The following GALNTL6 variants were observed in gnomAD, a reference collection of about 807,000 sequenced individuals.
GALNTL6 encodes the protein polypeptide N-acetylgalactosaminyltransferase like 6.
GALNTL6 carries 46 observed loss-of-function variants against 73.7 expected under a neutral mutation model. The ratio of observed to expected loss-of-function variants is 0.62; its 90% CI spans 0.49 to 0.80. The LOEUF is 0.80. Ranked by LOEUF, GALNTL6 falls within the 30% of genes least tolerant of loss-of-function variation. The pLI, the probability that GALNTL6 is intolerant of heterozygous loss-of-function variation, is 0.00. For missense variants in GALNTL6, 604 were observed against 755.0 expected (o/e 0.80, Z 2.34); for synonymous variants, 259 against 263.7 (o/e 0.98, Z 0.17).
chr4:172,796,884 A>C (rs1407559811), intron 5 of GALNTL6, among the ~76,000 whole-genome samples: 1 of 152,172 alleles, frequency 6.6e-6, no homozygotes, highest in Non-Finnish European at 1.5e-5. Context: ...CATTTTTCTC[A>C]TAGTAACTGT....
At chr4:172,440,059 A>C (rs1408716260) in intron 5 of GALNTL6, among the ~76,000 whole-genome samples, 1 of 152,088 alleles carries the variant, frequency 6.6e-6, no homozygotes, top group Non-Finnish European at 1.5e-5. Flanking sequence ...AGAGGAGTGC[A>C]AATGGTACAG....
At chr4:171,904,869 C>G (rs571832498) in intron 2 of GALNTL6, among the ~76,000 whole-genome samples, 2,160 of 152,160 alleles carry the variant, frequency 0.014, 46 homozygotes, top group African/African-American at 0.049. Context: ...AATTTTCAAC[C>G]CAGAATTTCA....
intron 5 of GALNTL6, among the ~76,000 whole-genome samples, chr4:172,558,499 AG>A (rs1294652950): frequency 6.6e-6 from 1 of 152,204 alleles, no homozygotes; most frequent in Non-Finnish European, 1.5e-5. Context: ...GTGTGTGCAC[AG>A]AAAAAAGATG....
Position 172,348,637 on chromosome 4 carries a change from C to T in GALNTL6, c.501C>T (p.Thr167=), listed in dbSNP as rs116264453. Reference sequence around the variant, plus strand: ...CCATACACAGTATAATTAACCGAACCCCAGGGAGTCTGATAGCAGAAATCA... The same window carrying T: ...CCATACACAGTATAATTAACCGAACTCCAGGGAGTCTGATAGCAGAAATCA... The part of the protein sequence containing the change: ...LRTIHSIINR[T]PGSLIAEIIL... Residue 167 remains threonine, a synonymous_variant, in exon 5 of 13, where the codon ACC becomes ACT. Transcript: ENST00000506823. 1,067 of 1,611,488 alleles carry T rather than the reference C, an allele frequency of 6.6e-4. 6 individuals are homozygous for T. The African/African-American group carries it at 0.012, about 18-fold the overall frequency.
intron 5 of GALNTL6, among the ~76,000 whole-genome samples, chr4:172,703,635 A>T (rs989038716): frequency 1.6e-4 from 24 of 152,030 alleles, no homozygotes; most frequent in African/African-American, 5.1e-4. Context: ...TTTATCAGGG[A>T]TATTGGAATG....
chr4:172,108,692 A>G (rs958139327), intron 2 of GALNTL6, among the ~76,000 whole-genome samples: 3 of 152,122 alleles, frequency 2.0e-5, no homozygotes, highest in African/African-American at 7.2e-5. Flanking sequence ...CATTACAAGT[A>G]TCAGGGGGAA....
intron 4 of GALNTL6, among the ~76,000 whole-genome samples, chr4:172,343,863 C>G (rs919180217): frequency 7.9e-5 from 12 of 151,758 alleles, no homozygotes; most frequent in Admixed American, 5.3e-4. Flanking sequence ...TAAACTATTT[C>G]TTTTGTCTTC....
chr4:172,289,436 A>G (rs963304995), intron 3 of GALNTL6, among the ~76,000 whole-genome samples: 5 of 152,190 alleles, frequency 3.3e-5, no homozygotes, highest in African/African-American at 1.2e-4. Flanking sequence ...ACTTCATGTT[A>G]TCTGGTAATT....
chr4:171,903,768 T>C (rs1044771765), intron 2 of GALNTL6, among the ~76,000 whole-genome samples: 15 of 152,062 alleles, frequency 9.9e-5, no homozygotes, highest in African/African-American at 3.6e-4. Flanking sequence ...AAGAGAGCAG[T>C]GGTTCTCCCA....
At chr4:172,086,312 G>C (rs11936619) in intron 2 of GALNTL6, among the ~76,000 whole-genome samples, 7,731 of 151,940 alleles carry the variant, frequency 0.051, 615 homozygotes, top group African/African-American at 0.17. Context: ...GGGAAACATC[G>C]TGTCTGAAGC....
chr4:172,847,482 G>A (rs1225704318), intron 7 of GALNTL6, among the ~76,000 whole-genome samples: 1 of 151,924 alleles, frequency 6.6e-6, no homozygotes, highest in Non-Finnish European at 1.5e-5. Context: ...GTATGCTTGT[G>A]TGTATATGTT....
intron 2 of GALNTL6, among the ~76,000 whole-genome samples, chr4:171,927,988 T>C (rs1164338673): frequency 6.6e-6 from 1 of 152,182 alleles, no homozygotes; most frequent in Non-Finnish European, 1.5e-5. Context: ...CACTAGAGCT[T>C]TTAGTTCATG....
At chr4:173,039,242 G>A (rs1690844942) in intron 12 of GALNTL6, among the ~76,000 whole-genome samples, 1 of 152,126 alleles carries the variant, frequency 6.6e-6, no homozygotes, top group Admixed American at 6.5e-5. Flanking sequence ...CGGCAGCACT[G>A]GAACACCTGC....
chr4:172,281,765 C>T (rs1210837394), intron 3 of GALNTL6, among the ~76,000 whole-genome samples: 1 of 152,080 alleles, frequency 6.6e-6, no homozygotes, highest in Non-Finnish European at 1.5e-5. Flanking sequence ...CTGAATAATT[C>T]AGAATAATCT....
At chr4:172,487,295 C>CTTTCTTTCT (rs1733709625) in intron 5 of GALNTL6, among the ~76,000 whole-genome samples, 7 of 81,518 alleles carry the variant, frequency 8.6e-5, no homozygotes, top group Admixed American at 8.5e-4. Context: ...TCCTTCTTTC[C>CTTTCTTTCT]TTCTGTCTTT....
At chr4:172,407,048 A>G (rs2111335968) in intron 5 of GALNTL6, among the ~76,000 whole-genome samples, 1 of 152,136 alleles carries the variant, frequency 6.6e-6, no homozygotes, top group East Asian at 1.9e-4. Context: ...TTGTGTGTTT[A>G]AATTTTTATT....
At chr4:172,647,600 A>G (rs1461546602) in intron 5 of GALNTL6, among the ~76,000 whole-genome samples, 1 of 152,042 alleles carries the variant, frequency 6.6e-6, no homozygotes, top group Non-Finnish European at 1.5e-5. Context: ...TTCAAGAACC[A>G]CTGTCTGATC....
chr4:172,380,240 A>G, intron 5 of GALNTL6: 1 of 908,692 alleles, frequency 1.1e-6, no homozygotes, highest in Non-Finnish European at 1.8e-6. Context: ...TATTCTCCCC[A>G]ACTTGTCTAC....
intron 2 of GALNTL6, among the ~76,000 whole-genome samples, chr4:171,945,479 A>G (rs1035302403): frequency 4.6e-5 from 7 of 152,142 alleles, no homozygotes; most frequent in Non-Finnish European, 8.8e-5. Flanking sequence ...ATGACTCCCA[A>G]GTGGCAAATA....
Sources: gnomAD v4.1 joint callset for allele counts (sites outside exome capture counted in the v4.1 genomes callset) on GRCh38, gnomAD v4.1.1 for gene constraint, MANE v1.5 for transcripts, NCBI Gene and HGNC (gene_info 2026-07-23, HGNC 2026-07-21) for gene names.